WAC: variants seen among roughly 807,000 people sequenced by gnomAD.
WAC encodes the protein WW domain-containing adapter protein with coiled-coil.
Under a neutral mutation model 79.6 loss-of-function variants are expected in WAC, and 11 were observed. The observed-to-expected ratio is 0.14, with a 90% confidence interval of 0.09 to 0.23. The LOEUF is 0.23. Ranked by LOEUF, WAC falls within the 10% of genes least tolerant of loss-of-function variation. The pLI, the probability that WAC is intolerant of heterozygous loss-of-function variation, is 1.00. For synonymous variants in WAC, 304 were observed against 276.9 expected (o/e 1.10, Z -0.97); for missense variants, 728 against 773.5 (o/e 0.94, Z 0.70).
At chr10:28,586,063 G>C (rs1191757639) in intron 4 of WAC, among the ~76,000 whole-genome samples, 1 of 152,136 alleles carries the variant, frequency 6.6e-6, no homozygotes, top group African/African-American at 2.4e-5. Flanking sequence ...TGCATAAGTA[G>C]TGGTCTTTTG....
At chr10:28,618,836 G>C (rs12245321) in intron 13 of WAC, among the ~76,000 whole-genome samples, 89 of 152,114 alleles carry the variant, frequency 5.9e-4, no homozygotes, top group African/African-American at 2.0e-3. Flanking sequence ...CTTACACCTG[G>C]TTAATTCTAC....
chr10:28,614,267 G>A (rs996847628), intron 10 of WAC, among the ~76,000 whole-genome samples: 14 of 151,988 alleles, frequency 9.2e-5, no homozygotes, highest in East Asian at 1.9e-4. Flanking sequence ...CACTGCGCCC[G>A]GCTAATTTTT....
intron 3 of WAC, among the ~76,000 whole-genome samples, chr10:28,547,981 C>T (rs969049837): frequency 7.6e-5 from 11 of 144,884 alleles, no homozygotes; most frequent in Non-Finnish European, 1.5e-4. Context: ...AGTGTAGTGG[C>T]GCAATCTTGG....
chr10:28,572,567 T>G (rs1475283029), intron 3 of WAC, among the ~76,000 whole-genome samples: 1 of 151,796 alleles, frequency 6.6e-6, no homozygotes, highest in Non-Finnish European at 1.5e-5. Flanking sequence ...ATCCCACACT[T>G]TGGGAGGTGG....
chr10:28,601,167 C>T (rs566265026), intron 7 of WAC, among the ~76,000 whole-genome samples: 4 of 152,144 alleles, frequency 2.6e-5, no homozygotes, highest in African/African-American at 7.2e-5. Flanking sequence ...ATTTGTAAAT[C>T]ACGTATGTTG....
intron 3 of WAC, among the ~76,000 whole-genome samples, chr10:28,572,640 G>A (rs1409643681): frequency 2.0e-5 from 3 of 151,904 alleles, no homozygotes; most frequent in Non-Finnish European, 4.4e-5. Flanking sequence ...GTGAAACCCC[G>A]TCTCTACTAA....
At position 28,541,415 on chromosome 10, in the gene WAC, G is replaced by GTGTTT. The variant is rs1212601285; in HGVS notation, c.274+5659_274+5660insGTTTT. 6.2e-3 allele frequency among the ~76,000 whole-genome samples: 236 copies of GTGTTT among 37,880 alleles called. 4 individuals carry two copies. The highest frequency in any genetic ancestry group is 7.8e-3 in the Non-Finnish European group (183 of 23,606). 24.9% of individuals were successfully genotyped at this position (37,880 alleles called of 152,430 possible). A position where few individuals can be genotyped will look rare whatever the true frequency, so the allele number is the denominator to read the frequency against. Reference sequence around the variant, plus strand: ...TTTTTGTGGGGTTGTGTGTGTGTGTGTTTTGTTTTTTTTTTTTTTTTTTTT... The same window carrying GTGTTT: ...TTTTTGTGGGGTTGTGTGTGTGTGTGTGTTTTTTTGTTTTTTTTTTTTTTTTTTTT... On this transcript the variant is annotated intron_variant, in intron 3 of 13. Transcript: ENST00000354911.
rs4271290 is a variant in WAC at position 28,554,594 on chromosome 10, C to T, written c.274+18837C>T. ...TAGGTTGGGCCATGATTGTTTCTTGCTCTAAGAGTCATACTACCCCACCAT... is the reference window on the plus strand; with the variant it reads ...TAGGTTGGGCCATGATTGTTTCTTGTTCTAAGAGTCATACTACCCCACCAT... On this transcript the variant is annotated intron_variant, in intron 3 of 13. Transcript: ENST00000354911. 4.0e-3 allele frequency among the ~76,000 whole-genome samples: 615 copies of T among 152,088 alleles called. 6 individuals are homozygous for T. The highest frequency in any genetic ancestry group is 0.014 in the African/African-American group (593 of 41,388).
At chr10:28,572,525 C>G (rs1479373598) in intron 3 of WAC, among the ~76,000 whole-genome samples, 3 of 151,998 alleles carry the variant, frequency 2.0e-5, no homozygotes, top group Non-Finnish European at 4.4e-5. Context: ...AAAAATCTTA[C>G]TCTTGGCTGG....
chr10:28,593,667 C>T (rs1485539217), intron 6 of WAC, among the ~76,000 whole-genome samples: 1 of 150,850 alleles, frequency 6.6e-6, no homozygotes, highest in Non-Finnish European at 1.5e-5. Context: ...ACGTGGGAGG[C>T]TGAGGCAGGC....
intron 3 of WAC, among the ~76,000 whole-genome samples, chr10:28,576,314 G>A (rs978733921): frequency 6.6e-6 from 1 of 152,012 alleles, no homozygotes; most frequent in African/African-American, 2.4e-5. Flanking sequence ...GATAAGATAC[G>A]GCAGTACTGT....
intron 3 of WAC, among the ~76,000 whole-genome samples, chr10:28,558,458 A>G (rs891024385): frequency 1.3e-5 from 2 of 152,106 alleles, no homozygotes; most frequent in Non-Finnish European, 2.9e-5. Flanking sequence ...ACTAATACCT[A>G]TTTGGCCACC....
At chr10:28,535,404 T>C (rs1375770689) in intron 2 of WAC, 158 bp from the exon 3 acceptor site, 1 of 851,096 alleles carries the variant, frequency 1.2e-6, no homozygotes. Flanking sequence ...AGGTTTTTTG[T>C]CTGAGAAACT....
intron 12 of WAC, among the ~76,000 whole-genome samples, chr10:28,616,982 C>A (rs1245702460): frequency 2.0e-5 from 3 of 152,114 alleles, no homozygotes; most frequent in African/African-American, 4.8e-5. Context: ...ACTCGGGAGC[C>A]TGAGGCACCA....
intron 6 of WAC, among the ~76,000 whole-genome samples, chr10:28,593,133 C>A (rs1564406532): frequency 6.6e-6 from 1 of 151,578 alleles, no homozygotes; most frequent in Admixed American, 6.6e-5. Context: ...ATGTATCACA[C>A]TTTTTTTTTA....
At position 28,535,572 on chromosome 10, in the gene WAC, A is replaced by G; in HGVS notation, c.89A>G (p.Tyr30Cys). ...GDSQPYQALK[Y>C]SSKSHPSSGD... ...GGTGATGTTTTACAGGCACTTAAGT[A>G]TTCATCGAAGAGTCACCCCAGTAGC... The change falls in exon 3 of 14, where the codon TAT becomes TGT. Residue 30 changes from tyrosine to cysteine, a missense_variant. Transcript: ENST00000354911. 1.9e-6 allele frequency: 3 copies of G among 1,609,154 alleles called. No individual in the cohort carries two copies. Among genetic ancestry groups the G allele is most frequent in the Non-Finnish European group, 2.5e-6 (3 of 1,177,462 alleles).
In WAC at chr10:28,607,953, G is replaced by T. The variant is rs561070478; in HGVS notation, c.920-233G>T. On this transcript the variant is annotated intron_variant, in intron 7 of 13. Coordinates refer to ENST00000354911, the MANE Select transcript of WAC (RefSeq NM_016628.5). ...GATTTACCAGGTTTTATGGCTTCAG[G>T]TTATCTAACCTTTCTTGTTCAGCTT... Among the ~76,000 whole-genome samples the T allele has an allele frequency of 7.9e-5, 12 of 152,270 alleles. No homozygotes were observed. In the East Asian group the frequency reaches 2.3e-3, roughly 29 times the overall value.
At chr10:28,585,747 C>T (rs1159206165) in intron 4 of WAC, among the ~76,000 whole-genome samples, 3 of 152,084 alleles carry the variant, frequency 2.0e-5, no homozygotes, top group African/African-American at 7.2e-5. Context: ...TTTGTCTACT[C>T]CTAGGACAGC....
chr10:28,547,959 T>A (rs1395586672), intron 3 of WAC, among the ~76,000 whole-genome samples: 1 of 151,356 alleles, frequency 6.6e-6, no homozygotes, highest in Non-Finnish European at 1.5e-5. Flanking sequence ...TCGCTCTTGT[T>A]GCTGAACCTG....
Sources: gnomAD v4.1 joint callset for allele counts (sites outside exome capture counted in the v4.1 genomes callset) on GRCh38, gnomAD v4.1.1 for gene constraint, MANE v1.5 for transcripts, NCBI Gene and HGNC (gene_info 2026-07-23, HGNC 2026-07-21) for gene names.